DYM: variants seen among roughly 807,000 people sequenced by gnomAD.
DYM encodes the protein dyggve-Melchior-Clausen syndrome protein.
DYM carries 78 observed loss-of-function variants against 93.1 expected under a neutral mutation model. The ratio of observed to expected loss-of-function variants is 0.84; its 90% confidence interval spans 0.70 to 1.01. The LOEUF is 1.01. DYM is among the 50% of genes least tolerant of loss of function. The probability of loss-of-function intolerance (pLI) is 0.00; values close to 1 mark genes in which losing one functional copy is unlikely to be tolerated. For synonymous variants in DYM, 321 were observed against 319.7 expected (o/e 1.00, Z -0.04); for missense variants, 789 against 845.0 (o/e 0.93, Z 0.82).
At chr18:49,060,031 A>G (rs1320152158) in intron 17 of DYM, among the ~76,000 whole-genome samples, 1 of 152,238 alleles carries the variant, frequency 6.6e-6, no homozygotes, top group East Asian at 1.9e-4. Flanking sequence ...AAAATATGAA[A>G]TATGGTCCCT....
At chr18:49,150,087 T>C (rs1057105154) in intron 15 of DYM, among the ~76,000 whole-genome samples, 1 of 152,212 alleles carries the variant, frequency 6.6e-6, no homozygotes, top group Non-Finnish European at 1.5e-5. Context: ...TTATAACTTA[T>C]AGCGCATTCA....
At chr18:49,439,545 G>A (rs1353820593) in intron 1 of DYM, among the ~76,000 whole-genome samples, 9 of 152,106 alleles carry the variant, frequency 5.9e-5, no homozygotes, top group Admixed American at 5.2e-4. Flanking sequence ...TCAATCTCCA[G>A]CATACTGCTA....
intron 8 of DYM, among the ~76,000 whole-genome samples, chr18:49,287,282 T>G (rs1158766298): frequency 1.3e-5 from 2 of 151,398 alleles, no homozygotes; most frequent in African/African-American, 4.8e-5. Flanking sequence ...TTTCTATTTT[T>G]TAAAATAAAA....
At chr18:49,335,038 C>T (rs2063560912) in intron 6 of DYM, among the ~76,000 whole-genome samples, 3 of 152,088 alleles carry the variant, frequency 2.0e-5, no homozygotes, top group Middle Eastern at 6.8e-3. Context: ...ACCTGGGAGG[C>T]GGAAGTTGCA....
intron 13 of DYM, among the ~76,000 whole-genome samples, chr18:49,217,758 T>A (rs928074490): frequency 6.6e-6 from 1 of 152,104 alleles, no homozygotes; most frequent in African/African-American, 2.4e-5. Context: ...AAGGAAGCAC[T>A]AAACATGGAA....
chr18:49,405,077 A>AT (rs2071321947), intron 2 of DYM, among the ~76,000 whole-genome samples: 1 of 151,324 alleles, frequency 6.6e-6, no homozygotes, highest in Non-Finnish European at 1.5e-5. Flanking sequence ...CCTTTTCCTC[A>AT]TTTTTTAATG....
chr18:49,424,330 T>G (rs1470639765), intron 2 of DYM, among the ~76,000 whole-genome samples: 2 of 152,086 alleles, frequency 1.3e-5, no homozygotes, highest in African/African-American at 4.8e-5. Context: ...AGAAAAGGCC[T>G]TTGACAAAAT....
At chr18:49,350,425 T>C (rs1373099060) in intron 6 of DYM, among the ~76,000 whole-genome samples, 1 of 152,126 alleles carries the variant, frequency 6.6e-6, no homozygotes, top group African/African-American at 2.4e-5. Flanking sequence ...AAAACACTTT[T>C]GGCTGAGCGC....
intron 1 of DYM, among the ~76,000 whole-genome samples, chr18:49,448,254 A>C (rs977132277): frequency 2.0e-4 from 31 of 152,156 alleles, no homozygotes; most frequent in Admixed American, 1.8e-3. Context: ...AGTTTTTTTA[A>C]GCCACCTATT....
Position 49,046,301 on chromosome 18 carries a change from G to GCACA in DYM, c.2026-2098_2026-2097insTGTG, listed in dbSNP as rs199501763. On this transcript the variant is annotated intron_variant, in intron 17 of 17. Coordinates refer to ENST00000675505, the MANE Select transcript of DYM (RefSeq NM_001353214.3). ...ACAGACAACACACCCAGACATGCGC[G>GCACA]CGCACACACACACACACACCAGACA... Among the ~76,000 whole-genome samples the GCACA allele has an allele frequency of 2.2e-4, 31 of 142,120 alleles. No individual in the cohort carries two copies. The East Asian group carries it at 3.5e-3, about 16-fold the overall frequency. The allele number at this position is 142,120 out of a possible 152,430, so 93.2% of individuals were successfully genotyped here. A position where few individuals can be genotyped will look rare whatever the true frequency, so the allele number is the denominator to read the frequency against.
At chr18:49,192,095 ATTTTTTTTT>A (rs55967928) in intron 14 of DYM, among the ~76,000 whole-genome samples, 10 of 68,332 alleles carry the variant, frequency 1.5e-4, no homozygotes, top group East Asian at 8.3e-4. Flanking sequence ...TGCCTGGCTA[ATTTTTTTTT>A]TTTTTTTTTT....
At chr18:49,074,835 TTC>T (rs1382998722) in intron 17 of DYM, among the ~76,000 whole-genome samples, 5 of 152,242 alleles carry the variant, frequency 3.3e-5, no homozygotes, top group East Asian at 1.9e-4. Flanking sequence ...TAAAATGTTT[TTC>T]TGTTTTCTTT....
intron 2 of DYM, among the ~76,000 whole-genome samples, chr18:49,405,574 C>CT (rs1347863327): frequency 2.0e-5 from 3 of 152,088 alleles, no homozygotes; most frequent in Non-Finnish European, 4.4e-5. Flanking sequence ...TCTGGGTTCT[C>CT]TATTCTGTTC....
At chr18:49,443,728 G>C (rs2081865848) in intron 1 of DYM, among the ~76,000 whole-genome samples, 1 of 152,180 alleles carries the variant, frequency 6.6e-6, no homozygotes, top group Non-Finnish European at 1.5e-5. Flanking sequence ...CCTCAGAGCA[G>C]AATGTCTTGC....
chr18:49,127,655 T>C (rs778596697), intron 15 of DYM, among the ~76,000 whole-genome samples: 4 of 152,188 alleles, frequency 2.6e-5, no homozygotes, highest in Non-Finnish European at 4.4e-5. Flanking sequence ...AATGCGCCAA[T>C]GGCCTTCAAA....
At chr18:49,402,869 G>A (rs77549295) in intron 2 of DYM, among the ~76,000 whole-genome samples, 2,210 of 152,228 alleles carry the variant, frequency 0.015, 53 homozygotes, top group African/African-American at 0.05. Flanking sequence ...GAAAGCGATC[G>A]ATTTTTGAAG....
chr18:49,155,517 T>C (rs2086304620), intron 15 of DYM, among the ~76,000 whole-genome samples: 1 of 152,222 alleles, frequency 6.6e-6, no homozygotes, highest in Non-Finnish European at 1.5e-5. Flanking sequence ...CAAAATAAAC[T>C]CTGTGCCCAT....
chr18:49,074,015 A>G (rs2077107232), intron 17 of DYM, among the ~76,000 whole-genome samples: 1 of 152,220 alleles, frequency 6.6e-6, no homozygotes, highest in Admixed American at 6.5e-5. Context: ...AGCTTATTTT[A>G]AAACTATCCG....
At chr18:49,252,309 G>T (rs1359522351) in intron 13 of DYM, among the ~76,000 whole-genome samples, 1 of 149,248 alleles carries the variant, frequency 6.7e-6, no homozygotes, top group Non-Finnish European at 1.5e-5. Context: ...CAGCACAGCT[G>T]GGGAGGCCTC....
Sources: allele counts gnomAD v4.1 joint callset (sites outside exome capture counted in the v4.1 genomes callset), GRCh38; gene constraint gnomAD v4.1.1; transcripts MANE v1.5; gene names NCBI Gene and HGNC (gene_info 2026-07-23, HGNC 2026-07-21).